Variants in SPATA13 observed in about 807,000 individuals in gnomAD.
The protein encoded by SPATA13 is spermatogenesis-associated protein 13.
Under a neutral mutation model 104.0 loss-of-function variants are expected in SPATA13, and 50 were observed. The ratio of observed to expected loss-of-function variants is 0.48; its 90% confidence interval spans 0.38 to 0.61. The LOEUF is 0.61. SPATA13 is among the 20% of genes least tolerant of loss of function. The pLI, the probability that SPATA13 is intolerant of heterozygous loss-of-function variation, is 0.00. For missense variants in SPATA13, 1,524 were observed against 1,690.6 expected, an observed-to-expected ratio of 0.90 and a Z score of 1.73; for synonymous variants, 606 against 667.5, an observed-to-expected ratio of 0.91 and a Z score of 1.42.
chr13:24,122,295 G>T, intron 3 of SPATA13: 1 of 1,363,646 alleles, frequency 7.3e-7, no homozygotes, highest in Non-Finnish European at 1.1e-6. Context: ...AAGATAGTTT[G>T]AAACTATTCA....
chr13:24,222,223 C>G (rs1406817776), intron 1 of SPATA13, among the ~76,000 whole-genome samples: 1 of 152,160 alleles, frequency 6.6e-6, no homozygotes, highest in East Asian at 1.9e-4. Flanking sequence ...CTGGCATGTC[C>G]TTGCTGAGTC....
chr13:24,178,886 AT>A (rs1868610367), intron 1 of SPATA13, among the ~76,000 whole-genome samples: 1 of 152,164 alleles, frequency 6.6e-6, no homozygotes, highest in South Asian at 2.1e-4. Context: ...ATTTGAAGAC[AT>A]TTTCATCCCC....
chr13:24,133,747 G>C (rs543518980), intron 3 of SPATA13, among the ~76,000 whole-genome samples: 1 of 152,290 alleles, frequency 6.6e-6, no homozygotes, highest in African/African-American at 2.4e-5. Context: ...GAGCACAGGG[G>C]AGGAGAGGCA....
At position 24,284,274 on chromosome 13, in the gene SPATA13, A is replaced by G. The variant is rs1460218527; in HGVS notation, c.2301+3A>G. 3.1e-6 allele frequency: 5 copies of G among 1,612,876 alleles called. No homozygotes were observed. Among genetic ancestry groups the G allele is most frequent in the South Asian group, 1.1e-5 (1 of 90,972 alleles). ...GGGAGCAGCTGGCCATCAATGAGGT[A>G]CTGGAATTCCACACGACAGTAGTGG... On this transcript the variant is annotated splice_donor_region_variant and intron_variant, in intron 5 of 12. Transcript: ENST00000382108.
At chr13:24,097,229 T>C (rs1226944412) in intron 3 of SPATA13, among the ~76,000 whole-genome samples, 1 of 152,208 alleles carries the variant, frequency 6.6e-6, no homozygotes, top group East Asian at 1.9e-4. Flanking sequence ...GTTCACTATA[T>C]GCCAGGCTTT....
chr13:24,249,900 A>G (rs1041916261), intron 3 of SPATA13, 58 bp downstream of exon 3: 12 of 1,528,886 alleles, frequency 7.8e-6, no homozygotes, highest in Non-Finnish European at 8.8e-6. Context: ...TCCTGCCTCT[A>G]TTCTGTCTGC....
intron 4 of SPATA13, among the ~76,000 whole-genome samples, chr13:24,277,305 G>A (rs1331093997): frequency 2.6e-5 from 4 of 151,986 alleles, no homozygotes; most frequent in East Asian, 3.9e-4. Flanking sequence ...TTAGCTGGGT[G>A]TGGTGGCGGG....
At chr13:24,173,269 G>A (rs574604556) in intron 1 of SPATA13, among the ~76,000 whole-genome samples, 3 of 151,896 alleles carry the variant, frequency 2.0e-5, no homozygotes, top group South Asian at 4.2e-4. Flanking sequence ...AGTAGAGATG[G>A]GGTTTTGCCA....
intron 3 of SPATA13, among the ~76,000 whole-genome samples, chr13:24,070,320 T>C (rs1325643248): frequency 3.3e-5 from 5 of 152,206 alleles, no homozygotes; most frequent in Non-Finnish European, 1.5e-5. Flanking sequence ...GCAGCATTTC[T>C]CTGGGATTCT....
intron 3 of SPATA13, among the ~76,000 whole-genome samples, chr13:24,092,943 C>T (rs1036293216): frequency 2.0e-5 from 3 of 152,136 alleles, no homozygotes; most frequent in East Asian, 1.9e-4. Context: ...TTCTCATTAA[C>T]GTTGCAGATG....
upstream of SPATA13, among the ~76,000 whole-genome samples, chr13:24,159,915 T>A (rs1291701490): frequency 1.3e-5 from 2 of 152,208 alleles, no homozygotes; most frequent in African/African-American, 4.8e-5. Context: ...ATTAGCTGCC[T>A]ATCAGGGAAC....
chr13:24,132,771 C>T lies in SPATA13; in HGVS notation c.-111-90048C>T, dbSNP rs982518099. Among the ~76,000 whole-genome samples, 8 of 151,976 alleles carry T rather than the reference C, an allele frequency of 5.3e-5. No individual in the cohort carries two copies. The East Asian group carries it at 9.7e-4, about 18-fold the overall frequency. On this transcript the variant is annotated intron_variant, in intron 3 of 14. Transcript: ENST00000424834. ...GGTGGATCACCTGAGGTCAAGAGTT[C>T]GAGACCAGCCTGGCCAACATGATGA...
At chr13:24,273,736 A>G (rs529286783) in intron 4 of SPATA13, among the ~76,000 whole-genome samples, 1 of 152,246 alleles carries the variant, frequency 6.6e-6, no homozygotes, top group Non-Finnish European at 1.5e-5. Flanking sequence ...TGTTTATAGA[A>G]CATCAAAGGC....
chr13:24,198,297 T>C (rs1310382609), intron 1 of SPATA13, among the ~76,000 whole-genome samples: 1 of 152,140 alleles, frequency 6.6e-6, no homozygotes, highest in African/African-American at 2.4e-5. Flanking sequence ...CGAGCCACCT[T>C]GTTTTGTTTC....
intron 3 of SPATA13, among the ~76,000 whole-genome samples, chr13:24,089,262 T>C (rs139766693): frequency 1.3e-5 from 2 of 152,210 alleles, no homozygotes; most frequent in East Asian, 1.9e-4. Context: ...TTGCTGTTCG[T>C]ATGGTCATAA....
At chr13:24,179,261 C>T (rs1163436363) in intron 1 of SPATA13, among the ~76,000 whole-genome samples, 1 of 152,090 alleles carries the variant, frequency 6.6e-6, no homozygotes, top group African/African-American at 2.4e-5. Flanking sequence ...TTTATGTGGA[C>T]ATCTGTTTTC....
intron 2 of SPATA13, among the ~76,000 whole-genome samples, chr13:24,242,902 A>G (rs759849723): frequency 2.0e-5 from 3 of 152,180 alleles, no homozygotes; most frequent in Non-Finnish European, 4.4e-5. Flanking sequence ...TATGCAGGGT[A>G]TTTTTGGTTA....
intron 4 of SPATA13, among the ~76,000 whole-genome samples, chr13:24,267,202 T>C (rs958207742): frequency 6.6e-6 from 1 of 152,170 alleles, no homozygotes; most frequent in Non-Finnish European, 1.5e-5. Context: ...TGCCACAGAA[T>C]AGTGTGACTC....
rs1876883614 is a variant in SPATA13 at position 24,297,613 on chromosome 13, A to C, written c.3461A>C (p.Lys1154Thr). The C allele has an allele frequency of 1.2e-6, 2 of 1,614,118 alleles. No individual in the cohort carries two copies. The change falls in exon 11 of 13, where the codon AAG becomes ACG. Residue 1154 changes from lysine (K) to threonine (T), a missense_variant. Around this residue, in one of 2 missense-constraint regions of SPATA13, gnomAD observed 435 missense variants for 554.8 expected, o/e 0.78. Transcript: ENST00000382108. Reference protein sequence around the residue: ...DCNLSVKNAFKLVSRTTDEVY... With the variant: ...DCNLSVKNAFTLVSRTTDEVY... ...AACCTCAGCGTGAAAAATGCCTTCA[A>C]GCTCGTCAGTAGGACCACAGACGAG...
Sources: allele counts gnomAD v4.1 joint callset (sites outside exome capture counted in the v4.1 genomes callset), GRCh38; gene constraint gnomAD v4.1.1; regional missense constraint gnomAD v4.1.1; transcripts MANE v1.5; gene names NCBI Gene and HGNC (gene_info 2026-07-23, HGNC 2026-07-21).